CNTN6: variants seen among roughly 807,000 people sequenced by gnomAD.
CNTN6 encodes the protein contactin-6.
A neutral mutation model predicts 122.8 loss-of-function variants in CNTN6; 137 were observed. The ratio of observed to expected loss-of-function variants is 1.12; its 90% confidence interval spans 0.97 to 1.29. The LOEUF (loss-of-function observed/expected upper bound fraction) is 1.29, where lower values mean the gene tolerates loss of function less well. Among genes scored for constraint, CNTN6 ranks in the 50% most tolerant of loss-of-function variants. The probability of loss-of-function intolerance (pLI) is 0.00; values close to 1 mark genes in which losing one functional copy is unlikely to be tolerated. For synonymous variants in CNTN6, 570 were observed against 426.0 expected, an observed-to-expected ratio of 1.34 and a Z score of -4.16; for missense variants, 1,634 against 1,223.4, an observed-to-expected ratio of 1.34 and a Z score of -5.01.
At chr3:1,104,088 G>T (rs1352907652) in intron 1 of CNTN6, among the ~76,000 whole-genome samples, 1 of 152,018 alleles carries the variant, frequency 6.6e-6, no homozygotes, top group Non-Finnish European at 1.5e-5. Flanking sequence ...CTATGAACAA[G>T]ACAGAGAAGA....
intron 1 of CNTN6, among the ~76,000 whole-genome samples, chr3:1,099,658 C>T (rs2090772831): frequency 6.6e-6 from 1 of 152,128 alleles, no homozygotes; most frequent in Non-Finnish European, 1.5e-5. Flanking sequence ...GTCCGTGCTG[C>T]ATGTCAACAA....
chr3:1,252,373 G>A (rs1397699471), intron 4 of CNTN6, among the ~76,000 whole-genome samples: 3 of 152,140 alleles, frequency 2.0e-5, no homozygotes, highest in Non-Finnish European at 2.9e-5. Flanking sequence ...TGTGATTCCT[G>A]ACAATATATA....
At chr3:1,375,317 C>T (rs1003831936) in intron 16 of CNTN6, among the ~76,000 whole-genome samples, 3 of 152,030 alleles carry the variant, frequency 2.0e-5, no homozygotes, top group African/African-American at 4.8e-5. Flanking sequence ...CATTAATACT[C>T]TCTTGTTTCA....
chr3:1,274,481 T>C (rs1473959304), intron 4 of CNTN6, among the ~76,000 whole-genome samples: 1 of 152,142 alleles, frequency 6.6e-6, no homozygotes, highest in Non-Finnish European at 1.5e-5. Flanking sequence ...CTTAATACTT[T>C]TGTTATTAAA....
intron 5 of CNTN6, among the ~76,000 whole-genome samples, chr3:1,282,527 T>C (rs1226345102): frequency 1.3e-5 from 2 of 152,220 alleles, no homozygotes; most frequent in East Asian, 1.9e-4. Flanking sequence ...GGTTTTGTGA[T>C]TGTAACTGAA....
At chr3:1,294,520 G>A (rs1369244917) in intron 5 of CNTN6, among the ~76,000 whole-genome samples, 3 of 152,214 alleles carry the variant, frequency 2.0e-5, no homozygotes, top group African/African-American at 7.2e-5. Context: ...GGTATATAAT[G>A]GTCACAAGTG....
chr3:1,289,972 C>G (rs1032907605), intron 5 of CNTN6, among the ~76,000 whole-genome samples: 3 of 152,058 alleles, frequency 2.0e-5, no homozygotes, highest in African/African-American at 7.2e-5. Context: ...ATGCGCCCGG[C>G]GAGTTTTATC....
intron 7 of CNTN6, among the ~76,000 whole-genome samples, chr3:1,316,155 A>G (rs1700070016): frequency 6.6e-6 from 1 of 151,950 alleles, no homozygotes; most frequent in Non-Finnish European, 1.5e-5. Flanking sequence ...AAATAAGCCT[A>G]TGAATTGTGT....
chr3:1,125,755 G>A (rs1431157898), intron 1 of CNTN6, among the ~76,000 whole-genome samples: 2 of 151,428 alleles, frequency 1.3e-5, no homozygotes, highest in African/African-American at 4.8e-5. Flanking sequence ...TTAAAGCTTA[G>A]CTTTCCACTT....
chr3:1,382,980 A>T lies in CNTN6; in HGVS notation c.2205A>T (p.Gly735=), dbSNP rs147708438. The T allele has an allele frequency of 4.9e-4, 791 of 1,614,072 alleles. 7 individuals are homozygous for T. In the Middle Eastern group the frequency reaches 0.01, roughly 21 times the overall value. ...AACTGCAGAATGGGGAGGGATTTGG[A>T]TATATCATCATGTTCCGGCCAGTGG... ...PEELQNGEGF[G]YIIMFRPVGS... The change falls in exon 18 of 23, where the codon GGA becomes GGT. Residue 735 remains glycine, a synonymous_variant. Coordinates refer to ENST00000446702, the MANE Select transcript of CNTN6 (RefSeq NM_001289080.2).
At chr3:1,202,752 A>G (rs1030653931) in intron 2 of CNTN6, among the ~76,000 whole-genome samples, 1 of 152,138 alleles carries the variant, frequency 6.6e-6, no homozygotes, top group Non-Finnish European at 1.5e-5. Flanking sequence ...ACAGGGAATG[A>G]ACCGGTTTTC....
At chr3:1,306,955 A>G (rs941449446) in intron 7 of CNTN6, among the ~76,000 whole-genome samples, 1 of 152,200 alleles carries the variant, frequency 6.6e-6, no homozygotes, top group Admixed American at 6.5e-5. Flanking sequence ...TTGAGCACAA[A>G]TTATTCATTC....
intron 2 of CNTN6, among the ~76,000 whole-genome samples, chr3:1,209,048 T>A (rs1485297702): frequency 6.6e-6 from 1 of 152,146 alleles, no homozygotes; most frequent in Non-Finnish European, 1.5e-5. Context: ...CCTAAAGAGA[T>A]CAACAGAATG....
intron 2 of CNTN6, among the ~76,000 whole-genome samples, chr3:1,176,957 T>C (rs1307476879): frequency 6.6e-6 from 1 of 152,126 alleles, no homozygotes; most frequent in Non-Finnish European, 1.5e-5. Context: ...AGTGATCAAA[T>C]TTTGCATCAC....
chr3:1,335,322 G>A (rs138636328), intron 11 of CNTN6, among the ~76,000 whole-genome samples: 4 of 152,250 alleles, frequency 2.6e-5, no homozygotes, highest in African/African-American at 7.2e-5. Context: ...TTTTACCTCT[G>A]GCAGCCAAGG....
intron 2 of CNTN6, among the ~76,000 whole-genome samples, chr3:1,203,247 C>T (rs915537094): frequency 6.6e-6 from 1 of 152,090 alleles, no homozygotes; most frequent in Non-Finnish European, 1.5e-5. Context: ...ACAAAAATAC[C>T]TGCCCCCATC....
At position 1,386,521 on chromosome 3, in the gene CNTN6, CTGGTAATGCACAA is replaced by C. The variant is rs1304077273; in HGVS notation, c.2704+725_2704+737del. Among the ~76,000 whole-genome samples the C allele has an allele frequency of 2.0e-5, 3 of 152,192 alleles. No homozygotes were observed. In the East Asian group the frequency reaches 5.8e-4, roughly 29 times the overall value. On this transcript the variant is annotated intron_variant, in intron 20 of 22. Coordinates refer to ENST00000446702, the MANE Select transcript of CNTN6 (RefSeq NM_001289080.2). The stretch of plus-strand genomic sequence containing the variant: ...TGCTGCCTTTATTTTCTGACTGAGT[CTGGTAATGCACAA>C]ATATTCCATAATACGAGGCACAGCA...
intron 1 of CNTN6, among the ~76,000 whole-genome samples, chr3:1,132,150 A>C (rs2125103556): frequency 6.6e-6 from 1 of 152,274 alleles, no homozygotes; most frequent in Admixed American, 6.5e-5. Context: ...GACACTTCTA[A>C]AATATGTAAC....
chr3:1,401,858 A>C (rs1260838946), intron 21 of CNTN6, among the ~76,000 whole-genome samples: 1 of 152,092 alleles, frequency 6.6e-6, no homozygotes, highest in Admixed American at 6.6e-5. Context: ...GAGATCAAAA[A>C]ATATATCTAA....
Sources: gnomAD v4.1 joint callset for allele counts (sites outside exome capture counted in the v4.1 genomes callset) on GRCh38, gnomAD v4.1.1 for gene constraint, MANE v1.5 for transcripts, NCBI Gene and HGNC (gene_info 2026-07-23, HGNC 2026-07-21) for gene names.